The following MPDZ variants were observed in gnomAD, a reference collection of about 807,000 sequenced individuals.
The protein encoded by MPDZ is multiple PDZ domain crumbs cell polarity complex component, also known as multiple PDZ domain protein.
A neutral mutation model predicts 239.1 loss-of-function variants in MPDZ; 234 were observed. That is an observed-to-expected ratio of 0.98 (90% CI 0.88 to 1.09). The LOEUF (loss-of-function observed/expected upper bound fraction) is 1.09. Among genes scored for constraint, MPDZ ranks in the 50% least tolerant of loss-of-function variants. The pLI is 0.00. For missense variants in MPDZ, 3,175 were observed against 2,510.0 expected (o/e 1.26, Z -5.66); for synonymous variants, 1,048 against 881.3 (o/e 1.19, Z -3.35).
intron 1 of MPDZ, chr9:13,279,156 T>TA (rs1421073911): frequency 2.0e-5 from 3 of 150,170 alleles, no homozygotes; most frequent in Non-Finnish European, 4.4e-5. Flanking sequence ...CCCATCCTTT[T>TA]AAAAAAGCCA....
At chr9:13,219,169 G>T (rs1307793638) in intron 8 of MPDZ, among the ~76,000 whole-genome samples, 1 of 151,846 alleles carries the variant, frequency 6.6e-6, no homozygotes, top group Non-Finnish European at 1.5e-5. Flanking sequence ...TAATGGGAAA[G>T]TTGATGAAAG....
intron 24 of MPDZ, among the ~76,000 whole-genome samples, chr9:13,157,080 G>T (rs1287993326): frequency 1.3e-5 from 2 of 152,172 alleles, no homozygotes; most frequent in African/African-American, 4.8e-5. Flanking sequence ...GATGGCTGCA[G>T]GTTATCACTG....
chr9:13,211,171 G>A (rs1587826877), intron 10 of MPDZ, among the ~76,000 whole-genome samples: 1 of 152,144 alleles, frequency 6.6e-6, no homozygotes, highest in East Asian at 1.9e-4. Flanking sequence ...TTGCAACTGT[G>A]TCTGATTATT....
rs1050068531 is a variant in MPDZ at position 13,156,487 on chromosome 9, A to G, written c.3452+1531T>C. Among the ~76,000 whole-genome samples, 4 of 152,290 alleles carry G rather than the reference A, an allele frequency of 2.6e-5. No individual in the cohort carries two copies. The East Asian group carries it at 7.7e-4, about 29-fold the overall frequency. On this transcript the variant is annotated intron_variant, in intron 24 of 46. Coordinates refer to ENST00000319217, the MANE Select transcript of MPDZ (RefSeq NM_001378778.1). The stretch of plus-strand genomic sequence containing the variant: ...CTTATGTGGATGGCAGCAGGCAAAT[A>G]AAAGAGCTTGTGCAGGGCAACTCCC...
chr9:13,223,678 T>C lies in MPDZ; in HGVS notation c.426A>G (p.Lys142=). 1 of 1,608,912 alleles carries C rather than the reference T, an allele frequency of 6.2e-7. No individual in the cohort carries two copies. Among genetic ancestry groups the C allele is most frequent in the Non-Finnish European group, 8.5e-7 (1 of 1,177,622 alleles). ...TAAACCCAAGGCCTCCAGATGGAGG[T>C]TTGAGGAGCTCAAAAACTTCTACAT... The part of the protein sequence containing the change: ...GRHVEVFELL[K]PPSGGLGFSV... Residue 142 remains lysine (K), a synonymous_variant, in exon 5 of 47, where the codon AAA becomes AAG. Transcript: ENST00000319217.
chr9:13,219,166 A>C (rs760626205), intron 8 of MPDZ, among the ~76,000 whole-genome samples: 5 of 151,936 alleles, frequency 3.3e-5, no homozygotes, highest in Non-Finnish European at 5.9e-5. Context: ...TACTAATGGG[A>C]AAGTTGATGA....
At chr9:13,268,441 C>G (rs530231526) in intron 1 of MPDZ, among the ~76,000 whole-genome samples, 1 of 151,946 alleles carries the variant, frequency 6.6e-6, no homozygotes, top group Admixed American at 6.6e-5. Flanking sequence ...ATACTTCAGG[C>G]CCCCAAGTCT....
intron 12 of MPDZ, among the ~76,000 whole-genome samples, chr9:13,198,735 CTCTGTGTGTGTGTG>C (rs1352541784): frequency 5.3e-4 from 9 of 17,134 alleles, no homozygotes; most frequent in South Asian, 2.9e-3. Context: ...TAATCTCTCT[CTCTGTGTGTGTGTG>C]TGTGTGTGTG....
chr9:13,193,658 G>A (rs7032214), intron 13 of MPDZ, among the ~76,000 whole-genome samples: 1,997 of 152,272 alleles, frequency 0.013, 46 homozygotes, highest in South Asian at 0.077. Flanking sequence ...CTAGAAAAGG[G>A]TTTGAAGCTA....
chr9:13,125,070 T>C, intron 35 of MPDZ, 146 bp downstream of exon 35: 2 of 610,038 alleles, frequency 3.3e-6, no homozygotes, highest in South Asian at 3.7e-5. Flanking sequence ...AGTCCTCTCT[T>C]TATATCCTGC....
intron 2 of MPDZ, among the ~76,000 whole-genome samples, chr9:13,249,104 TCACACACACACA>T (rs199752806): frequency 1.0e-4 from 15 of 145,904 alleles, no homozygotes; most frequent in East Asian, 6.0e-4. Context: ...GATCATGGGT[TCACACACACACA>T]CACACACACA....
intron 3 of MPDZ, among the ~76,000 whole-genome samples, chr9:13,238,031 G>A (rs576023343): frequency 5.3e-5 from 8 of 152,262 alleles, no homozygotes; most frequent in Admixed American, 2.6e-4. Flanking sequence ...TAGGAGTTAA[G>A]AAGAAATTAC....
At chr9:13,229,305 T>C (rs1961650251) in intron 3 of MPDZ, among the ~76,000 whole-genome samples, 1 of 152,006 alleles carries the variant, frequency 6.6e-6, no homozygotes, top group Admixed American at 6.6e-5. Context: ...CAGGGGAATA[T>C]ACAGAAGCAT....
At chr9:13,132,068 A>G (rs1244233522) in intron 32 of MPDZ, among the ~76,000 whole-genome samples, 2 of 152,244 alleles carry the variant, frequency 1.3e-5, no homozygotes, top group Non-Finnish European at 2.9e-5. Flanking sequence ...TGAAATCTAC[A>G]TATAAATGGA....
chr9:13,216,705 A>G, intron 10 of MPDZ, 69 bp downstream of exon 10: 1 of 1,203,508 alleles, frequency 8.3e-7, no homozygotes, highest in South Asian at 1.4e-5. Flanking sequence ...TCTCAAAACT[A>G]AGTAAACTAG....
chr9:13,136,349 T>TTTTTTTA (rs1946782722), intron 30 of MPDZ, among the ~76,000 whole-genome samples, 167 bp from the exon 31 acceptor site: 1 of 140,998 alleles, frequency 7.1e-6, no homozygotes, highest in African/African-American at 2.7e-5. Context: ...TTTTTTTTTT[T>TTTTTTTA]GAGACAGAGT....
intron 3 of MPDZ, among the ~76,000 whole-genome samples, chr9:13,226,584 A>G (rs1960684368): frequency 6.6e-6 from 1 of 152,012 alleles, no homozygotes; most frequent in African/African-American, 2.4e-5. Context: ...GGTGTGCCTA[A>G]TCTCACCACA....
chr9:13,236,117 A>G (rs557202473), intron 3 of MPDZ, among the ~76,000 whole-genome samples: 15 of 150,114 alleles, frequency 1.0e-4, no homozygotes, highest in African/African-American at 2.4e-4. Context: ...AAACTACGTA[A>G]TAAGAGATTT....
At chr9:13,184,068 C>T (rs911447495) in intron 18 of MPDZ, among the ~76,000 whole-genome samples, 1 of 151,904 alleles carries the variant, frequency 6.6e-6, no homozygotes. Context: ...ATTTTAAAAC[C>T]ATTCAAGTTG....
Sources: allele counts gnomAD v4.1 joint callset (sites outside exome capture counted in the v4.1 genomes callset), GRCh38; gene constraint gnomAD v4.1.1; transcripts MANE v1.5; gene names NCBI Gene and HGNC (gene_info 2026-07-23, HGNC 2026-07-21).